ITGA4: variants seen among roughly 807,000 people sequenced by gnomAD.
ITGA4 encodes integrin subunit alpha 4, also known as integrin alpha-4.
ITGA4 carries 63 observed loss-of-function variants against 133.6 expected under a neutral mutation model. The observed-to-expected ratio is 0.47, with a 90% CI of 0.38 to 0.58. The LOEUF (loss-of-function observed/expected upper bound fraction) is 0.58, where lower values mean the gene tolerates loss of function less well. Among genes scored for constraint, ITGA4 ranks in the 20% least tolerant of loss-of-function variants. The probability of loss-of-function intolerance (pLI) is 0.00; values close to 1 mark genes in which losing one functional copy is unlikely to be tolerated. For missense variants in ITGA4, 1,076 were observed against 1,252.7 expected (o/e 0.86, Z 2.13); for synonymous variants, 483 against 438.0 (o/e 1.10, Z -1.28).
Position 181,518,055 on chromosome 2 carries a change from T to TG in ITGA4, c.1923-4129dup, listed in dbSNP as rs1000961394. 9.3e-5 allele frequency among the ~76,000 whole-genome samples: 14 copies of TG among 151,174 alleles called. No individual in the cohort carries two copies. The East Asian group carries it at 1.8e-3, about 19-fold the overall frequency. ...CCTAACATGATTATAGAGTTTGGGG[T>TG]GGGGGGGCAGGATGTGGGACAGCCA... is the stretch of plus-strand genomic sequence containing the variant. On this transcript the variant is annotated intron_variant, in intron 17 of 27. Transcript: ENST00000397033.
At chr2:181,488,671 G>T (rs755683522) in intron 10 of ITGA4, among the ~76,000 whole-genome samples, 1 of 151,786 alleles carries the variant, frequency 6.6e-6, no homozygotes, top group African/African-American at 2.4e-5. Flanking sequence ...CCATTCTCCT[G>T]CCTCAGCCTC....
At chr2:181,471,666 C>T (rs1428454502) in intron 2 of ITGA4, among the ~76,000 whole-genome samples, 2 of 152,162 alleles carry the variant, frequency 1.3e-5, no homozygotes, top group Non-Finnish European at 2.9e-5. Flanking sequence ...TATGAGATTA[C>T]ATCTAGTGGC....
intron 15 of ITGA4, among the ~76,000 whole-genome samples, chr2:181,503,830 C>G (rs531237678): frequency 6.8e-6 from 1 of 148,026 alleles, no homozygotes; most frequent in South Asian, 2.2e-4. Flanking sequence ...ATATGAAAAT[C>G]TTTGTTTTTG....
chr2:181,522,188 T>C lies in ITGA4; in HGVS notation c.1923-3T>C. ...GAACTAAATAATATTACTTAATTTTTAGGCCCCATGAAAATAAAACATATC... is the reference window on the plus strand; with the variant it reads ...GAACTAAATAATATTACTTAATTTTCAGGCCCCATGAAAATAAAACATATC... On this transcript the variant is annotated splice_region_variant and splice_polypyrimidine_tract_variant and intron_variant, in intron 17 of 27. Transcript: ENST00000397033. 1.9e-6 allele frequency: 3 copies of C among 1,558,990 alleles called. No individual in the cohort carries two copies. The highest frequency in any genetic ancestry group is 2.6e-6 in the Non-Finnish European group (3 of 1,143,054).
At chr2:181,525,911 A>C (rs1440790978) in intron 21 of ITGA4, among the ~76,000 whole-genome samples, 5 of 152,242 alleles carry the variant, frequency 3.3e-5, no homozygotes, top group Admixed American at 2.6e-4. Flanking sequence ...GGAAACCTTC[A>C]GTAATTCCAC....
At chr2:181,475,391 T>A (rs1685652051) in intron 4 of ITGA4, 103 bp downstream of exon 4, 1 of 890,482 alleles carries the variant, frequency 1.1e-6, no homozygotes, top group South Asian at 1.7e-5. Flanking sequence ...GAGAGGGAGA[T>A]CTTCTAAGTA....
rs1687224685 is a variant in ITGA4, at chr2:181,537,706, CA to C, written c.*2182del. 2.4e-6 allele frequency: 1 copy of C among 423,996 alleles called. No homozygotes were observed. Among genetic ancestry groups the C allele is most frequent in the Admixed American group, 2.7e-5 (1 of 37,674 alleles). 26.3% of individuals were successfully genotyped at this position (423,996 alleles called of 1,614,324 possible). A position where few individuals can be genotyped will look rare whatever the true frequency, so the allele number is the denominator to read the frequency against. ...AAATATTGATGTATTATGATGGTTG[CA>C]AAGTTTTTTTGTGTGTCCAATAAAC... On this transcript the variant is annotated 3_prime_UTR_variant, in exon 28 of 28. Transcript: ENST00000397033.
At chr2:181,479,047 TCTATA>T (rs1685744400) in intron 5 of ITGA4, 1 of 331,754 alleles carries the variant, frequency 3.0e-6, no homozygotes, top group Non-Finnish European at 5.6e-6. Flanking sequence ...TGAATGAAAA[TCTATA>T]CTAAAGAACA....
At chr2:181,458,840 T>A (rs555897234) in intron 2 of ITGA4, 2 of 153,676 alleles carry the variant, frequency 1.3e-5, no homozygotes, top group Admixed American at 1.3e-4. Flanking sequence ...AAAATTGGCA[T>A]CTTCATCGTT....
rs1423422978 is a variant in ITGA4 at position 181,458,211 on chromosome 2, G to T, written c.213G>T (p.Ala71=). The T allele has an allele frequency of 1.9e-6, 3 of 1,613,910 alleles. No individual in the cohort carries two copies. Among genetic ancestry groups the T allele is most frequent in the Non-Finnish European group, 1.7e-6 (2 of 1,179,880 alleles). The change falls in exon 2 of 28, where the codon GCG becomes GCT. Residue 71 remains alanine, a synonymous_variant. Transcript: ENST00000397033. ...CTCGCTTTAGGCTCCTAGTGGGTGCGCCCACTGCCAACTGGCTCGCCAACG... is the reference window on the plus strand; with the variant it reads ...CTCGCTTTAGGCTCCTAGTGGGTGCTCCCACTGCCAACTGGCTCGCCAACG... ...HGANRWLLVG[A]PTANWLANAS...
chr2:181,469,640 T>A (rs375478014), intron 2 of ITGA4, among the ~76,000 whole-genome samples: 30 of 152,234 alleles, frequency 2.0e-4, no homozygotes, highest in African/African-American at 6.0e-4. Flanking sequence ...GGCACTATTC[T>A]CAATAGCAAA....
Position 181,475,172 on chromosome 2 carries a change from G to T in ITGA4, c.440G>T (p.Arg147Ile), listed in dbSNP as rs767940577. ...TATTTTATTCAGACTTGTGGGCATA[G>T]ATGGAAAAATATATTTTACATAAAG... ...ENGSIVTCGH[R>I]WKNIFYIKNE... is the part of the protein sequence containing the mutation. Residue 147 changes from arginine to isoleucine, a missense_variant, in exon 4 of 28, where the codon AGA (arginine) becomes ATA (isoleucine). Physicochemically the swap from Arg to Ile is moderately conservative, Grantham distance 97. Around this residue, in one of 4 missense-constraint regions of ITGA4, gnomAD observed 436 missense variants for 590.7 expected, o/e 0.74. Coordinates refer to ENST00000397033, the MANE Select transcript of ITGA4 (RefSeq NM_000885.6). 6.2e-7 allele frequency: 1 copy of T among 1,613,614 alleles called. No individual in the cohort carries two copies. The highest frequency in any genetic ancestry group is 8.5e-7 in the Non-Finnish European group (1 of 1,179,674).
At chr2:181,490,014 G>A (rs1444935601) in intron 10 of ITGA4, among the ~76,000 whole-genome samples, 3 of 152,130 alleles carry the variant, frequency 2.0e-5, no homozygotes, top group Admixed American at 6.5e-5. Flanking sequence ...TGAGAGGGTC[G>A]TGATTGATTG....
Position 181,538,373 on chromosome 2 carries a change from ATCTAGAAAACTGAGAAGGTCT to A in ITGA4, c.*2847_*2867del, listed in dbSNP as rs2105784906. On this transcript the variant is annotated 3_prime_UTR_variant, in exon 28 of 28. Coordinates refer to ENST00000397033, the MANE Select transcript of ITGA4 (RefSeq NM_000885.6). Reference sequence around the variant, plus strand: ...ACACAGCATTCCCAACAGAGCTGTAATCTAGAAAACTGAGAAGGTCTGATTGATAAATCATCAACAACAATA... The same window carrying A: ...ACACAGCATTCCCAACAGAGCTGTAAGATTGATAAATCATCAACAACAATA... 4.8e-6 allele frequency: 3 copies of A among 626,754 alleles called. No individual in the cohort carries two copies. In the East Asian group the frequency reaches 8.1e-5, roughly 17 times the overall value. The allele number at this position is 626,754 out of a possible 1,614,324, so 38.8% of individuals were successfully genotyped here. A position where few individuals can be genotyped will look rare whatever the true frequency, so the allele number is the denominator to read the frequency against.
chr2:181,489,161 C>T (rs1432121361), intron 10 of ITGA4, among the ~76,000 whole-genome samples: 1 of 152,178 alleles, frequency 6.6e-6, no homozygotes, highest in Non-Finnish European at 1.5e-5. Context: ...GAGACTCCAA[C>T]ATTGGATGCA....
chr2:181,520,149 A>G (rs1203466659), intron 17 of ITGA4, among the ~76,000 whole-genome samples: 1 of 152,102 alleles, frequency 6.6e-6, no homozygotes, highest in East Asian at 1.9e-4. Context: ...TTACGCTGTT[A>G]GGGGAGAGCA....
intron 2 of ITGA4, among the ~76,000 whole-genome samples, chr2:181,460,651 G>A (rs1251860336): frequency 6.6e-6 from 1 of 151,140 alleles, no homozygotes; most frequent in Non-Finnish European, 1.5e-5. Flanking sequence ...AAATGTGGGT[G>A]ACTCTAATGT....
chr2:181,495,088 A>G lies in ITGA4; in HGVS notation c.1339+276A>G, dbSNP rs1298802275. Reference sequence around the variant, plus strand: ...AGGAAAAGAAAGAAAATTTTTATTTAGAAAAATTTGAGTGAATGTTTCTAG... The same window carrying G: ...AGGAAAAGAAAGAAAATTTTTATTTGGAAAAATTTGAGTGAATGTTTCTAG... On this transcript the variant is annotated intron_variant, in intron 12 of 27. Coordinates refer to ENST00000397033, the MANE Select transcript of ITGA4 (RefSeq NM_000885.6). This position sits in a 1 kb window ranked among gnomAD's most constrained non-coding sequence, Gnocchi z 4.3. Among the ~76,000 whole-genome samples the G allele has an allele frequency of 1.3e-5, 2 of 152,218 alleles. No individual in the cohort carries two copies. The highest frequency in any genetic ancestry group is 2.9e-5 in the Non-Finnish European group (2 of 68,032).
chr2:181,457,925 C>T, intron 1 of ITGA4, 74 bp downstream of exon 1: 1 of 1,375,552 alleles, frequency 7.3e-7, no homozygotes, highest in Non-Finnish European at 9.9e-7. Flanking sequence ...GATTCCCTGC[C>T]CGATTCAAAC....
Sources: gnomAD v4.1 joint callset for allele counts (sites outside exome capture counted in the v4.1 genomes callset) on GRCh38, gnomAD v4.1.1 for gene constraint, gnomAD v4.1.1 regional missense constraint, Gnocchi (gnomAD v3.1) non-coding constraint, MANE v1.5 for transcripts, NCBI Gene and HGNC (gene_info 2026-07-23, HGNC 2026-07-21) for gene names.